The following CBLB variants were observed in gnomAD, a reference collection of about 807,000 sequenced individuals.
The protein encoded by CBLB is E3 ubiquitin-protein ligase CBL-B.
CBLB carries 31 observed loss-of-function variants against 104.9 expected under a neutral mutation model. The observed-to-expected ratio is 0.30, with a 90% CI of 0.22 to 0.40. CBLB has a LOEUF of 0.40. CBLB is among the 10% of genes least tolerant of loss of function. CBLB has a pLI of 1.00. For missense variants in CBLB, 1,062 were observed against 1,214.6 expected (o/e 0.87, Z 1.87); for synonymous variants, 440 against 422.6 (o/e 1.04, Z -0.51).
intron 9 of CBLB, among the ~76,000 whole-genome samples, chr3:105,731,457 T>C (rs34896116): frequency 3.2e-4 from 49 of 152,132 alleles, no homozygotes; most frequent in African/African-American, 1.2e-3. Flanking sequence ...AAGAATGTAC[T>C]GACAATGTGA....
At chr3:105,682,953 A>T (rs531710481) in intron 14 of CBLB, among the ~76,000 whole-genome samples, 1 of 152,324 alleles carries the variant, frequency 6.6e-6, no homozygotes, top group Non-Finnish European at 1.5e-5. Flanking sequence ...GAGCTATAGA[A>T]ATCAGAGTTT....
chr3:105,771,734 C>A (rs933232538), intron 4 of CBLB, among the ~76,000 whole-genome samples: 15 of 152,088 alleles, frequency 9.9e-5, no homozygotes, highest in African/African-American at 3.4e-4. Flanking sequence ...CTGCTATACA[C>A]CAACATAACC....
In CBLB at chr3:105,838,184, G is replaced by A. The variant is rs186539202; in HGVS notation, c.419+15230C>T. Among the ~76,000 whole-genome samples the A allele has an allele frequency of 3.5e-5, 5 of 141,050 alleles. No homozygotes were observed. In the East Asian group the frequency reaches 1.1e-3, roughly 30 times the overall value. The allele number at this position is 141,050 out of a possible 152,430, so 92.5% of individuals were successfully genotyped here. ...AGTAGCCTCAACCTCCTTGGCTCAA[G>A]CAATCTCACCCATTTCAGCCTCCAG... On this transcript the variant is annotated intron_variant, in intron 3 of 18. Transcript: ENST00000394030.
intron 7 of CBLB, among the ~76,000 whole-genome samples, chr3:105,739,462 C>T (rs1457227088): frequency 6.6e-6 from 1 of 151,952 alleles, no homozygotes; most frequent in Non-Finnish European, 1.5e-5. Context: ...ATCAAGTGCA[C>T]TGAGAATACA....
chr3:105,807,351 G>A lies in CBLB; in HGVS notation c.420-30809C>T, dbSNP rs556877308. Among the ~76,000 whole-genome samples, 35 of 152,264 alleles carry A rather than the reference G, an allele frequency of 2.3e-4. No individual in the cohort carries two copies. The South Asian group carries it at 6.0e-3, about 26-fold the overall frequency. ...ATGGGAGGATCACCTGAGCCCAGGCGTTCGTGAACAGGTTGGGCAACATGT... is the reference window on the plus strand; with the variant it reads ...ATGGGAGGATCACCTGAGCCCAGGCATTCGTGAACAGGTTGGGCAACATGT... On this transcript the variant is annotated intron_variant, in intron 3 of 18. Transcript: ENST00000394030.
At chr3:105,723,580 A>G (rs567713948) in intron 9 of CBLB, among the ~76,000 whole-genome samples, 2 of 152,040 alleles carry the variant, frequency 1.3e-5, no homozygotes, top group South Asian at 2.1e-4. Context: ...ACTTTAGGTA[A>G]ACTCAGATAA....
intron 3 of CBLB, among the ~76,000 whole-genome samples, chr3:105,803,403 G>A (rs1318786842): frequency 1.3e-5 from 2 of 152,000 alleles, no homozygotes; most frequent in Admixed American, 6.6e-5. Context: ...TATTAAATAC[G>A]GCTCCTTTCA....
chr3:105,758,505 G>A (rs967980301), intron 4 of CBLB, among the ~76,000 whole-genome samples: 10 of 151,644 alleles, frequency 6.6e-5, no homozygotes, highest in African/African-American at 2.4e-4. Context: ...GCCATTACCC[G>A]AGTTTTGCTC....
chr3:105,751,394 G>A (rs1173415440), intron 5 of CBLB, 68 bp downstream of exon 5: 1 of 1,089,966 alleles, frequency 9.2e-7, no homozygotes, highest in South Asian at 1.3e-5. Flanking sequence ...CAGAGAGAGA[G>A]AGAAACAGAG....
intron 18 of CBLB, among the ~76,000 whole-genome samples, chr3:105,665,539 T>C (rs1222213329): frequency 2.7e-5 from 4 of 146,210 alleles, no homozygotes; most frequent in Non-Finnish European, 4.5e-5. Context: ...TATTACACAG[T>C]AAAAATAAAT....
chr3:105,686,012 C>T (rs1406281921), intron 13 of CBLB, among the ~76,000 whole-genome samples: 1 of 151,952 alleles, frequency 6.6e-6, no homozygotes, highest in African/African-American at 2.4e-5. Context: ...TTCTTCCTAC[C>T]AACAACTGAG....
chr3:105,758,949 G>A (rs190118741), intron 4 of CBLB, among the ~76,000 whole-genome samples: 19 of 152,372 alleles, frequency 1.2e-4, no homozygotes, highest in Non-Finnish European at 2.2e-4. Flanking sequence ...AATGTGGGGC[G>A]TGAAGGGGGT....
chr3:105,786,062 G>GGGGGC (rs1553794644), intron 3 of CBLB, among the ~76,000 whole-genome samples: 6 of 10,164 alleles, frequency 5.9e-4, no homozygotes, highest in Non-Finnish European at 1.0e-3. Flanking sequence ...TGAGAGGATC[G>GGGGGC]GGGGGGGGAA....
rs2092498761 is a variant in CBLB, at chr3:105,867,609, A to T, written c.-14-18T>A. 1 of 1,610,992 alleles carries T rather than the reference A, an allele frequency of 6.2e-7. No individual in the cohort carries two copies. The highest frequency in any genetic ancestry group is 8.5e-7 in the Non-Finnish European group (1 of 1,177,194). Reference sequence around the variant, plus strand: ...TTTTAGTTCTTTAAAAGGCAGATTTAAAAAAAGAAAAGTTAGTTGGTTTTG... The same window carrying T: ...TTTTAGTTCTTTAAAAGGCAGATTTTAAAAAAGAAAAGTTAGTTGGTTTTG... On this transcript the variant is annotated intron_variant, in intron 1 of 18. Transcript: ENST00000394030.
chr3:105,680,499 T>C (rs749099234), intron 16 of CBLB, among the ~76,000 whole-genome samples: 22 of 152,192 alleles, frequency 1.4e-4, no homozygotes, highest in Non-Finnish European at 4.4e-5. Context: ...CTGGGTAATA[T>C]GTCAAAAACA....
At chr3:105,851,701 T>C (rs950814921) in intron 3 of CBLB, among the ~76,000 whole-genome samples, 16 of 152,340 alleles carry the variant, frequency 1.1e-4, no homozygotes, top group African/African-American at 3.6e-4. Flanking sequence ...TATTAAAACA[T>C]TGAGAATACT....
chr3:105,728,517 T>C (rs79106940), intron 9 of CBLB, among the ~76,000 whole-genome samples: 1 of 152,198 alleles, frequency 6.6e-6, no homozygotes, highest in Non-Finnish European at 1.5e-5. Context: ...TACATGGTAA[T>C]GCTGCAGAAT....
intron 3 of CBLB, among the ~76,000 whole-genome samples, chr3:105,837,851 C>T (rs1223626928): frequency 6.6e-6 from 1 of 152,108 alleles, no homozygotes; most frequent in Non-Finnish European, 1.5e-5. Flanking sequence ...ATTCTAAAAA[C>T]AAGCCTTCAG....
chr3:105,821,636 C>T (rs927545910), intron 3 of CBLB, among the ~76,000 whole-genome samples: 3 of 152,154 alleles, frequency 2.0e-5, no homozygotes, highest in African/African-American at 7.2e-5. Context: ...CCTCTTTGAA[C>T]ACACAAGAAA....
Sources: gnomAD v4.1 joint callset for allele counts (sites outside exome capture counted in the v4.1 genomes callset) on GRCh38, gnomAD v4.1.1 for gene constraint, MANE v1.5 for transcripts, NCBI Gene and HGNC (gene_info 2026-07-23, HGNC 2026-07-21) for gene names.